Variants in ISY1 observed in about 807,000 individuals in gnomAD.
ISY1 encodes the protein pre-mRNA-splicing factor ISY1 homolog.
A neutral mutation model predicts 54.4 loss-of-function variants in ISY1; 12 were observed. That is an observed-to-expected ratio of 0.22 (90% confidence interval 0.14 to 0.36). The LOEUF is 0.36. Ranked by LOEUF, ISY1 falls within the 10% of genes least tolerant of loss-of-function variation. The pLI is 1.00. For missense variants in ISY1, 282 were observed against 342.2 expected (o/e 0.82, Z 1.39); for synonymous variants, 96 against 117.9 (o/e 0.81, Z 1.20).
At chr3:129,156,001 G>A (rs62265340) in intron 5 of ISY1, among the ~76,000 whole-genome samples, 3 of 152,078 alleles carry the variant, frequency 2.0e-5, no homozygotes, top group Non-Finnish European at 2.9e-5. Context: ...GATTACAGGC[G>A]TGAGCTACTG....
At chr3:129,156,828 C>A (rs1242371722) in intron 4 of ISY1, 27 bp downstream of exon 4, 1 of 1,607,630 alleles carries the variant, frequency 6.2e-7, no homozygotes, top group Non-Finnish European at 8.5e-7. Context: ...GTTACTTCTA[C>A]TGAAATCAGA....
intron 9 of ISY1, among the ~76,000 whole-genome samples, chr3:129,133,098 G>A (rs1323468744): frequency 1.3e-5 from 2 of 152,188 alleles, no homozygotes; most frequent in Non-Finnish European, 2.9e-5. Context: ...CTCTGCCTGG[G>A]AGGCAGAGAT....
intron 5 of ISY1, among the ~76,000 whole-genome samples, chr3:129,149,512 G>A (rs1180134493): frequency 7.2e-6 from 1 of 139,568 alleles, no homozygotes; most frequent in Non-Finnish European, 1.5e-5. Flanking sequence ...ACTTTGGGAG[G>A]CCAAGGTGTG....
intron 7 of ISY1, among the ~76,000 whole-genome samples, chr3:129,135,780 A>C (rs1002665128): frequency 6.6e-6 from 1 of 151,736 alleles, no homozygotes; most frequent in Non-Finnish European, 1.5e-5. Context: ...AAAAAAAAAC[A>C]AAAACCAAAC....
chr3:129,151,801 T>A (rs1189905334), intron 5 of ISY1, among the ~76,000 whole-genome samples: 1 of 152,120 alleles, frequency 6.6e-6, no homozygotes, highest in East Asian at 1.9e-4. Context: ...TCGTTCCTGA[T>A]CTTAAGAGGA....
Position 129,129,677 on chromosome 3 carries a change from T to C in ISY1, c.*404A>G, listed in dbSNP as rs1257502129. 1 of 153,850 alleles carries C rather than the reference T, an allele frequency of 6.5e-6. No individual in the cohort carries two copies. The highest frequency in any genetic ancestry group is 1.4e-5 in the Non-Finnish European group (1 of 69,206). 9.5% of individuals were successfully genotyped at this position (153,850 alleles called of 1,614,324 possible). A position where few individuals can be genotyped will look rare whatever the true frequency, so the allele number is the denominator to read the frequency against. ...GCGTGAGCCACTGCGCCTGGCCACATCATCTCATTTTTCAAGAGATGTGTC... is the reference window on the plus strand; with the variant it reads ...GCGTGAGCCACTGCGCCTGGCCACACCATCTCATTTTTCAAGAGATGTGTC... On this transcript the variant is annotated 3_prime_UTR_variant, in exon 11 of 11. Coordinates refer to ENST00000393295, the MANE Select transcript of ISY1 (RefSeq NM_020701.4).
chr3:129,136,697 T>C (rs930024160), intron 7 of ISY1, among the ~76,000 whole-genome samples: 2 of 150,290 alleles, frequency 1.3e-5, no homozygotes, highest in African/African-American at 4.9e-5. Context: ...TCTTCTTTTT[T>C]TTTTTTTTTA....
At chr3:129,160,537 C>T (rs1467674219) in intron 1 of ISY1, among the ~76,000 whole-genome samples, 2 of 151,828 alleles carry the variant, frequency 1.3e-5, no homozygotes, top group East Asian at 3.9e-4. Flanking sequence ...AGGAAAAGAC[C>T]CTACCCTCGT....
intron 6 of ISY1, among the ~76,000 whole-genome samples, chr3:129,140,979 C>A (rs1026778613): frequency 6.6e-6 from 1 of 150,456 alleles, no homozygotes; most frequent in Non-Finnish European, 1.5e-5. Context: ...CCAAGGTAGG[C>A]GATCACTTCA....
intron 5 of ISY1, among the ~76,000 whole-genome samples, chr3:129,149,680 C>G (rs1385709054): frequency 7.3e-6 from 1 of 136,300 alleles, no homozygotes; most frequent in Non-Finnish European, 1.5e-5. Flanking sequence ...CACTTGTAGT[C>G]CCAGCTACTT....
At chr3:129,140,517 C>A in intron 6 of ISY1, 32 bp from the exon 7 acceptor site, 1 of 1,574,148 alleles carries the variant, frequency 6.4e-7, no homozygotes, top group Non-Finnish European at 8.6e-7. Flanking sequence ...GAAAATGGAT[C>A]TGTTAGTTAG....
At chr3:129,142,419 T>C (rs1414668904) in intron 6 of ISY1, among the ~76,000 whole-genome samples, 4 of 152,102 alleles carry the variant, frequency 2.6e-5, no homozygotes, top group East Asian at 1.9e-4. Context: ...GAAATACACA[T>C]ATATTAAAGG....
rs546706039 is a variant in ISY1, at chr3:129,159,872, G to A, written c.4-696C>T. 9.2e-5 allele frequency among the ~76,000 whole-genome samples: 14 copies of A among 152,266 alleles called. No homozygotes were observed. The East Asian group carries it at 1.9e-3, about 21-fold the overall frequency. On this transcript the variant is annotated intron_variant, in intron 1 of 10. Transcript: ENST00000393295. The stretch of plus-strand genomic sequence containing the variant: ...TTCATGAGACAAATACACCAGGCAT[G>A]CAATTTATAGACACTCAGCAAAATC...
intron 9 of ISY1, 43 bp downstream of exon 9, chr3:129,134,031 G>A: frequency 1.2e-6 from 2 of 1,612,088 alleles, no homozygotes; most frequent in East Asian, 2.2e-5. Context: ...TTCATGGCTT[G>A]GAACAGATGG....
intron 6 of ISY1, among the ~76,000 whole-genome samples, chr3:129,145,518 C>G (rs1352525142): frequency 6.6e-6 from 1 of 152,116 alleles, no homozygotes; most frequent in East Asian, 1.9e-4. Context: ...CTACCATGCC[C>G]GGGCTCATGG....
At chr3:129,160,633 C>T (rs1037987244) in intron 1 of ISY1, among the ~76,000 whole-genome samples, 2 of 152,164 alleles carry the variant, frequency 1.3e-5, no homozygotes, top group African/African-American at 4.8e-5. Context: ...TCTTAATCTT[C>T]TCTGTGGTAT....
chr3:129,152,691 C>A (rs920813666), intron 5 of ISY1, among the ~76,000 whole-genome samples: 3 of 152,182 alleles, frequency 2.0e-5, no homozygotes, highest in African/African-American at 7.2e-5. Flanking sequence ...CAGGCGTGAG[C>A]CACCGCGCCC....
intron 9 of ISY1, 59 bp from the exon 10 acceptor site, chr3:129,130,695 ACT>A: frequency 6.4e-7 from 1 of 1,569,742 alleles, no homozygotes; most frequent in South Asian, 1.1e-5. Context: ...AATGCTGGCA[ACT>A]CTATAAAACA....
chr3:129,142,814 G>C (rs768921448), intron 6 of ISY1, among the ~76,000 whole-genome samples: 9 of 152,138 alleles, frequency 5.9e-5, no homozygotes, highest in South Asian at 2.1e-4. Flanking sequence ...CAGCACTTTG[G>C]GGAGCCAAGG....
Sources: gnomAD v4.1 joint callset for allele counts (sites outside exome capture counted in the v4.1 genomes callset) on GRCh38, gnomAD v4.1.1 for gene constraint, MANE v1.5 for transcripts, NCBI Gene and HGNC (gene_info 2026-07-23, HGNC 2026-07-21) for gene names.